HS6ST3: variants seen among roughly 807,000 people sequenced by gnomAD.
HS6ST3 encodes the protein heparan sulfate 6-O-sulfotransferase 3.
Under a neutral mutation model 36.7 loss-of-function variants are expected in HS6ST3, and 12 were observed. The ratio of observed to expected loss-of-function variants is 0.33; its 90% CI spans 0.21 to 0.53. HS6ST3 has a LOEUF of 0.53. HS6ST3 is among the 20% of genes least tolerant of loss of function. The pLI is 0.95. For synonymous variants in HS6ST3, 240 were observed against 257.5 expected (o/e 0.93, Z 0.65); for missense variants, 584 against 640.9 (o/e 0.91, Z 0.96).
At chr13:96,210,865 A>G (rs1168327048) in intron 1 of HS6ST3, among the ~76,000 whole-genome samples, 1 of 151,434 alleles carries the variant, frequency 6.6e-6, no homozygotes, top group Non-Finnish European at 1.5e-5. Flanking sequence ...AAGTGCTAGG[A>G]TTGCAGGCAT....
intron 1 of HS6ST3, among the ~76,000 whole-genome samples, chr13:96,528,507 A>G (rs918032357): frequency 6.6e-6 from 1 of 152,190 alleles, no homozygotes; most frequent in Admixed American, 6.5e-5. Context: ...TTTTGATATT[A>G]TGTAATAAAA....
chr13:96,680,756 T>C (rs1329198877), intron 1 of HS6ST3, among the ~76,000 whole-genome samples: 2 of 152,184 alleles, frequency 1.3e-5, no homozygotes, highest in Non-Finnish European at 2.9e-5. Flanking sequence ...CACATTTTTC[T>C]TCCCACTTCA....
At chr13:96,372,181 C>A (rs891020070) in intron 1 of HS6ST3, among the ~76,000 whole-genome samples, 20 of 152,186 alleles carry the variant, frequency 1.3e-4, no homozygotes, top group Non-Finnish European at 4.4e-5. Context: ...GGCATCCTAG[C>A]AGGCATGAAG....
At chr13:96,488,679 A>G (rs997769870) in intron 1 of HS6ST3, among the ~76,000 whole-genome samples, 1 of 152,094 alleles carries the variant, frequency 6.6e-6, no homozygotes. Context: ...ATCTTTTGTC[A>G]GTCAAATTAT....
intron 1 of HS6ST3, among the ~76,000 whole-genome samples, chr13:96,156,562 G>C (rs548160910): frequency 6.6e-6 from 1 of 152,308 alleles, no homozygotes; most frequent in South Asian, 2.1e-4. Flanking sequence ...CAAGATTCCT[G>C]CTGACTTAGG....
At chr13:96,175,393 C>T (rs1161368181) in intron 1 of HS6ST3, among the ~76,000 whole-genome samples, 1 of 151,486 alleles carries the variant, frequency 6.6e-6, no homozygotes, top group Non-Finnish European at 1.5e-5. Flanking sequence ...AAAATATTCT[C>T]TTTATCTTTG....
chr13:96,713,192 T>C (rs1319941902), intron 1 of HS6ST3, among the ~76,000 whole-genome samples: 1 of 152,224 alleles, frequency 6.6e-6, no homozygotes, highest in Non-Finnish European at 1.5e-5. Flanking sequence ...CATAAGTTTG[T>C]AGGACTGCTA....
intron 1 of HS6ST3, among the ~76,000 whole-genome samples, chr13:96,375,495 T>C (rs1307895720): frequency 6.6e-6 from 1 of 152,204 alleles, no homozygotes; most frequent in Non-Finnish European, 1.5e-5. Flanking sequence ...TTCATTTTCC[T>C]GAGCCAATTG....
Position 96,614,314 on chromosome 13 carries a change from A to T in HS6ST3, c.708-218176A>T, listed in dbSNP as rs868306945. Among the ~76,000 whole-genome samples, 1,140 of 149,154 alleles carry T rather than the reference A, an allele frequency of 7.6e-3. 18 individuals carry two copies. Among genetic ancestry groups the T allele is most frequent in the African/African-American group, 0.017 (681 of 40,372 alleles). ...ATCCATCTCAAAAAAAAAAAAAAAAAAAAAAAAAAAAAAACAGTTATTACC... is the reference window on the plus strand; with the variant it reads ...ATCCATCTCAAAAAAAAAAAAAAAATAAAAAAAAAAAAAACAGTTATTACC... On this transcript the variant is annotated intron_variant, in intron 1 of 1. Transcript: ENST00000376705.
intron 1 of HS6ST3, among the ~76,000 whole-genome samples, chr13:96,436,616 C>T (rs2055643910): frequency 6.6e-6 from 1 of 152,126 alleles, no homozygotes; most frequent in African/African-American, 2.4e-5. Flanking sequence ...CCTAATCCAA[C>T]CTGACTAGTG....
chr13:96,211,303 A>G (rs1054619004), intron 1 of HS6ST3, among the ~76,000 whole-genome samples: 1 of 152,170 alleles, frequency 6.6e-6, no homozygotes, highest in Non-Finnish European at 1.5e-5. Context: ...TGGGTCTTCT[A>G]GAAACCTGAC....
chr13:96,635,979 A>G (rs535800810), intron 1 of HS6ST3, among the ~76,000 whole-genome samples: 2 of 152,298 alleles, frequency 1.3e-5, no homozygotes, highest in South Asian at 4.1e-4. Context: ...GTAAACCTTC[A>G]GCTCTTTTCT....
intron 1 of HS6ST3, among the ~76,000 whole-genome samples, chr13:96,605,092 C>G (rs2056434254): frequency 6.6e-6 from 1 of 152,086 alleles, no homozygotes; most frequent in Non-Finnish European, 1.5e-5. Context: ...TGGTGGTTTT[C>G]CAGCTCAGTC....
intron 1 of HS6ST3, among the ~76,000 whole-genome samples, chr13:96,346,670 A>G (rs780787309): frequency 3.3e-5 from 5 of 152,160 alleles, no homozygotes; most frequent in Non-Finnish European, 7.3e-5. Flanking sequence ...GAAATGTGCT[A>G]AAACTTGGGC....
intron 1 of HS6ST3, among the ~76,000 whole-genome samples, chr13:96,365,264 T>A (rs2055257512): frequency 1.3e-5 from 2 of 152,198 alleles, no homozygotes; most frequent in African/African-American, 4.8e-5. Context: ...CCTGACATGC[T>A]CATTTTCAGA....
chr13:96,193,363 C>T (rs191851936), intron 1 of HS6ST3, among the ~76,000 whole-genome samples: 18 of 152,194 alleles, frequency 1.2e-4, no homozygotes, highest in Admixed American at 1.1e-3. Context: ...TACTTGATTC[C>T]GTATTACTTG....
intron 1 of HS6ST3, among the ~76,000 whole-genome samples, chr13:96,120,607 G>C (rs1282951711): frequency 6.6e-6 from 1 of 151,652 alleles, no homozygotes; most frequent in Non-Finnish European, 1.5e-5. Context: ...ATATTTTCCT[G>C]AATTATTCAA....
At chr13:96,392,697 A>T (rs776247160) in intron 1 of HS6ST3, among the ~76,000 whole-genome samples, 4 of 152,188 alleles carry the variant, frequency 2.6e-5, no homozygotes, top group Non-Finnish European at 2.9e-5. Flanking sequence ...ACATTTAAAG[A>T]AGTGAAAATA....
At chr13:96,156,370 T>C (rs746475557) in intron 1 of HS6ST3, among the ~76,000 whole-genome samples, 7 of 152,132 alleles carry the variant, frequency 4.6e-5, no homozygotes, top group Non-Finnish European at 7.4e-5. Flanking sequence ...AACCCAGATA[T>C]GGTTTAGTGA....
Sources: allele counts gnomAD v4.1 joint callset (sites outside exome capture counted in the v4.1 genomes callset), GRCh38; gene constraint gnomAD v4.1.1; transcripts MANE v1.5; gene names NCBI Gene and HGNC (gene_info 2026-07-23, HGNC 2026-07-21).